Variants in RANBP2 observed in about 807,000 individuals in gnomAD.
RANBP2 encodes the protein RAN binding protein 2, also known as E3 SUMO-protein ligase RanBP2.
RANBP2 carries 57 observed loss-of-function variants against 303.6 expected under a neutral mutation model. The observed-to-expected ratio is 0.19, with a 90% CI of 0.15 to 0.23. RANBP2 has a LOEUF of 0.23. Ranked by LOEUF, RANBP2 falls within the 10% of genes least tolerant of loss-of-function variation. The pLI is 1.00. For missense variants in RANBP2, 3,138 were observed against 3,780.8 expected, an observed-to-expected ratio of 0.83 and a Z score of 4.46; for synonymous variants, 1,167 against 1,301.5, an observed-to-expected ratio of 0.90 and a Z score of 2.23.
chr2:108,824,996 A>G, the RANBP2 span, among the ~76,000 whole-genome samples: 22 of 152,240 alleles, frequency 1.4e-4, no homozygotes, highest in African/African-American at 4.1e-4. Context: ...ACTCTTTCAT[A>G]TGGAACTAGA....
At chr2:109,479,468 G>A in the RANBP2 span, among the ~76,000 whole-genome samples, 3 of 152,110 alleles carry the variant, frequency 2.0e-5, no homozygotes, top group African/African-American at 2.4e-5. Flanking sequence ...AGCTGCCTCC[G>A]GTTTGGTACT....
chr2:109,027,881 C>A, the RANBP2 span, among the ~76,000 whole-genome samples: 3 of 152,232 alleles, frequency 2.0e-5, no homozygotes, highest in African/African-American at 7.2e-5. Flanking sequence ...AGCTGCTACT[C>A]ACAGATCCAT....
At chr2:109,568,884 T>C in the RANBP2 span, among the ~76,000 whole-genome samples, 3 of 152,188 alleles carry the variant, frequency 2.0e-5, no homozygotes, top group East Asian at 1.9e-4. Context: ...GTGTTCATGA[T>C]GCAAAGGAAT....
At chr2:108,909,845 T>G in the RANBP2 span, among the ~76,000 whole-genome samples, 8 of 152,370 alleles carry the variant, frequency 5.3e-5, no homozygotes, top group South Asian at 1.7e-3. Flanking sequence ...TTACACCATG[T>G]GGCTCCTTGG....
At chr2:109,468,689 A>T in the RANBP2 span, among the ~76,000 whole-genome samples, 1 of 151,844 alleles carries the variant, frequency 6.6e-6, no homozygotes, top group East Asian at 1.9e-4. Context: ...CCCTGTCTCT[A>T]TTAAAAATAA....
chr2:109,038,827 T>C, the RANBP2 span, among the ~76,000 whole-genome samples: 1 of 152,208 alleles, frequency 6.6e-6, no homozygotes, highest in African/African-American at 2.4e-5. Context: ...CTCCACATTC[T>C]AGTAGTTTAC....
the RANBP2 span, among the ~76,000 whole-genome samples, chr2:109,172,116 C>T: frequency 1.3e-5 from 2 of 152,220 alleles, no homozygotes; most frequent in Non-Finnish European, 2.9e-5. Context: ...AGGCAATGAC[C>T]TGGGGCAGAG....
the RANBP2 span, chr2:109,614,753 C>T: frequency 4.0e-6 from 6 of 1,481,860 alleles, no homozygotes; most frequent in Admixed American, 4.6e-5. Flanking sequence ...AAGGGCCGTC[C>T]GAGCCCTCCG....
chr2:108,911,053 G>C, the RANBP2 span: 4 of 1,614,090 alleles, frequency 2.5e-6, no homozygotes, highest in African/African-American at 1.3e-5. Flanking sequence ...CAGTGGCCAG[G>C]TGTCCTTGGC....
At chr2:109,279,182 AC>A in the RANBP2 span, among the ~76,000 whole-genome samples, 2 of 152,162 alleles carry the variant, frequency 1.3e-5, no homozygotes, top group African/African-American at 4.8e-5. Flanking sequence ...TTCCATGCAT[AC>A]GTTTTGGGAA....
At chr2:108,920,132 G>A in the RANBP2 span, among the ~76,000 whole-genome samples, 3 of 152,236 alleles carry the variant, frequency 2.0e-5, no homozygotes, top group African/African-American at 7.2e-5. Context: ...TGAGGGAAGT[G>A]CAGGCCAGCT....
intron 20 of RANBP2, among the ~76,000 whole-genome samples, chr2:108,768,830 C>G (rs1460929780): frequency 6.6e-6 from 1 of 151,992 alleles, no homozygotes; most frequent in Non-Finnish European, 1.5e-5. Flanking sequence ...CTCAAGAGTT[C>G]GAGACCAGCC....
the RANBP2 span, among the ~76,000 whole-genome samples, chr2:109,731,740 G>A: frequency 2.0e-5 from 3 of 152,190 alleles, no homozygotes; most frequent in East Asian, 1.9e-4. Context: ...CCCCAGCCTC[G>A]GCCTCCCAAA....
the RANBP2 span, among the ~76,000 whole-genome samples, chr2:108,824,467 C>T: frequency 5.3e-5 from 8 of 152,186 alleles, no homozygotes; most frequent in Admixed American, 5.2e-4. Flanking sequence ...GTGTCTTCCA[C>T]CTCTACATTT....
At chr2:109,664,159 A>G in the RANBP2 span, among the ~76,000 whole-genome samples, 1 of 152,220 alleles carries the variant, frequency 6.6e-6, no homozygotes, top group Non-Finnish European at 1.5e-5. Context: ...CTTCCCATTG[A>G]AAAAGGTCTT....
At chr2:109,354,021 G>T in the RANBP2 span, among the ~76,000 whole-genome samples, 22 of 152,196 alleles carry the variant, frequency 1.4e-4, no homozygotes, top group African/African-American at 5.3e-4. Context: ...AAGATGCAGG[G>T]CCAGCCCGCT....
the RANBP2 span, chr2:109,432,359 T>A: frequency 9.2e-7 from 1 of 1,083,826 alleles, no homozygotes; most frequent in South Asian, 1.6e-5. Context: ...GTGAGGCCTC[T>A]GTAAACTGCA....
the RANBP2 span, among the ~76,000 whole-genome samples, chr2:108,827,610 A>AT: frequency 3.7e-3 from 561 of 152,114 alleles, 3 homozygotes; most frequent in Middle Eastern, 6.8e-3. Flanking sequence ...AGGTCAGGAG[A>AT]CGGAGACTAT....
chr2:109,031,084 A>C, the RANBP2 span, among the ~76,000 whole-genome samples: 10 of 152,122 alleles, frequency 6.6e-5, no homozygotes, highest in Non-Finnish European at 1.5e-4. Context: ...GAGATGCTGG[A>C]GTCTAAGGGT....
Sources: gnomAD v4.1 joint callset for allele counts (sites outside exome capture counted in the v4.1 genomes callset) on GRCh38, gnomAD v4.1.1 for gene constraint, MANE v1.5 for transcripts, NCBI Gene and HGNC (gene_info 2026-07-23, HGNC 2026-07-21) for gene names.